The following MTHFD1L variants were observed in gnomAD, a reference collection of about 807,000 sequenced individuals.
MTHFD1L encodes monofunctional C1-tetrahydrofolate synthase, mitochondrial.
A neutral mutation model predicts 119.5 loss-of-function variants in MTHFD1L; 81 were observed. The observed-to-expected ratio is 0.68, with a 90% CI of 0.57 to 0.82. MTHFD1L has a LOEUF of 0.82. Among genes scored for constraint, MTHFD1L ranks in the 40% least tolerant of loss-of-function variants. The pLI is 0.00. For synonymous variants in MTHFD1L, 430 were observed against 475.2 expected, an observed-to-expected ratio of 0.90 and a Z score of 1.24; for missense variants, 1,125 against 1,253.4, an observed-to-expected ratio of 0.90 and a Z score of 1.55.
intron 27 of MTHFD1L, among the ~76,000 whole-genome samples, chr6:151,098,393 C>G (rs78003723): frequency 6.6e-6 from 1 of 152,030 alleles, no homozygotes; most frequent in African/African-American, 2.4e-5. Flanking sequence ...TTTCACAAAG[C>G]AATTCAAAAA....
intron 1 of MTHFD1L, among the ~76,000 whole-genome samples, chr6:150,868,074 A>G (rs185596639): frequency 1.5e-3 from 232 of 152,142 alleles, no homozygotes; most frequent in African/African-American, 5.3e-3. Flanking sequence ...TGTTGGGATT[A>G]CAGGCGTGAC....
At chr6:150,996,723 T>TC (rs1779852140) in intron 20 of MTHFD1L, among the ~76,000 whole-genome samples, 1 of 152,126 alleles carries the variant, frequency 6.6e-6, no homozygotes, top group Non-Finnish European at 1.5e-5. Context: ...AAAACATTTC[T>TC]CCAGCTGGGT....
At chr6:151,069,251 T>TTC (rs371324778) in intron 26 of MTHFD1L, among the ~76,000 whole-genome samples, 28,663 of 136,482 alleles carry the variant, frequency 0.21, 3,058 homozygotes, top group African/African-American at 0.28. Flanking sequence ...TTCTCTCTCT[T>TTC]TCTCTCTCTC....
chr6:150,947,562 G>T (rs905300284), intron 15 of MTHFD1L, among the ~76,000 whole-genome samples: 1 of 151,734 alleles, frequency 6.6e-6, no homozygotes, highest in Non-Finnish European at 1.5e-5. Context: ...CAAGACCCCC[G>T]TCTCTACAAA....
intron 26 of MTHFD1L, among the ~76,000 whole-genome samples, chr6:151,038,104 T>C (rs1786465695): frequency 6.6e-6 from 1 of 152,200 alleles, no homozygotes; most frequent in Non-Finnish European, 1.5e-5. Context: ...AATCAGCATT[T>C]TTTGAATTCT....
intron 19 of MTHFD1L, among the ~76,000 whole-genome samples, 168 bp downstream of exon 19, chr6:150,965,205 A>T (rs1797013272): frequency 6.6e-6 from 1 of 152,022 alleles, no homozygotes; most frequent in Non-Finnish European, 1.5e-5. Context: ...GTATTAGTCC[A>T]TTTTGACATT....
chr6:150,924,936 T>A (rs775425310), intron 10 of MTHFD1L, among the ~76,000 whole-genome samples: 1 of 146,252 alleles, frequency 6.8e-6, no homozygotes, highest in Non-Finnish European at 1.5e-5. Flanking sequence ...TCAGCGGTAC[T>A]TGAGGGGGGT....
At chr6:150,994,523 T>C (rs991662485) in intron 20 of MTHFD1L, among the ~76,000 whole-genome samples, 24 of 152,308 alleles carry the variant, frequency 1.6e-4, no homozygotes, top group Non-Finnish European at 2.5e-4. Flanking sequence ...TCGTCTCTAT[T>C]TTGACAGCAT....
At chr6:150,901,479 A>C (rs1176999251) in intron 7 of MTHFD1L, among the ~76,000 whole-genome samples, 1 of 152,228 alleles carries the variant, frequency 6.6e-6, no homozygotes. Context: ...CCCCGTCTCC[A>C]AAAATAAATA....
chr6:150,927,429 A>G lies in MTHFD1L; in HGVS notation c.1256+1134A>G, dbSNP rs1373933713. Among the ~76,000 whole-genome samples, 6 of 151,478 alleles carry G rather than the reference A, an allele frequency of 4.0e-5. 1 individual carries two copies. The East Asian group carries it at 1.2e-3, about 30-fold the overall frequency. On this transcript the variant is annotated intron_variant, in intron 11 of 27. Transcript: ENST00000367321. ...TGTCACCATTTTTCATGACAACATA[A>G]CATTCCATCACTCACATCCCAGATT... is the stretch of plus-strand genomic sequence containing the variant.
intron 24 of MTHFD1L, among the ~76,000 whole-genome samples, chr6:151,021,808 A>G (rs1173950983): frequency 6.6e-6 from 1 of 152,248 alleles, no homozygotes; most frequent in African/African-American, 2.4e-5. Flanking sequence ...GCCCTTAGTG[A>G]TATCATAAAA....
At chr6:150,978,473 G>C (rs551334394) in intron 20 of MTHFD1L, among the ~76,000 whole-genome samples, 2 of 152,308 alleles carry the variant, frequency 1.3e-5, no homozygotes, top group South Asian at 4.1e-4. Flanking sequence ...GGGTACATGA[G>C]CATAAACACT....
intron 26 of MTHFD1L, among the ~76,000 whole-genome samples, chr6:151,043,141 C>T (rs1787386306): frequency 6.6e-6 from 1 of 151,896 alleles, no homozygotes; most frequent in Non-Finnish European, 1.5e-5. Flanking sequence ...ACCCCACATT[C>T]CACTAAGCAA....
At position 150,994,832 on chromosome 6, in the gene MTHFD1L, G is replaced by A. The variant is rs190559321; in HGVS notation, c.2126-14987G>A. The stretch of plus-strand genomic sequence containing the variant: ...AGAACCGTCTTTAGAGCATGGCATC[G>A]TTACATTGCAGATAAAGCATGTAGG... On this transcript the variant is annotated intron_variant, in intron 20 of 27. Coordinates refer to ENST00000367321, the MANE Select transcript of MTHFD1L (RefSeq NM_015440.5). 3.2e-3 allele frequency among the ~76,000 whole-genome samples: 493 copies of A among 152,244 alleles called. 5 individuals carry two copies. The highest frequency in any genetic ancestry group is 0.011 in the African/African-American group (466 of 41,556).
chr6:151,022,009 T>C, intron 24 of MTHFD1L: 1 of 471,168 alleles, frequency 2.1e-6, no homozygotes, highest in South Asian at 1.5e-5. Flanking sequence ...TAAAAGGTCT[T>C]TCCTGTTCCT....
chr6:151,082,619 T>C (rs1793312242), intron 26 of MTHFD1L, among the ~76,000 whole-genome samples: 2 of 152,178 alleles, frequency 1.3e-5, no homozygotes, highest in African/African-American at 4.8e-5. Flanking sequence ...ATTTCTATCT[T>C]AAATAATTTA....
intron 13 of MTHFD1L, among the ~76,000 whole-genome samples, chr6:150,940,263 G>A (rs912209359): frequency 1.3e-5 from 2 of 152,178 alleles, no homozygotes; most frequent in African/African-American, 4.8e-5. Context: ...AGGAATAGAA[G>A]TGTTTACCCA....
Position 150,934,792 on chromosome 6 carries a change from G to C in MTHFD1L, c.1257-2012G>C, listed in dbSNP as rs142001481. ...TTAAATTTTTTAACGATGCTTGAGAGCTAAGCTGGAAGGACGTGGGGTGCT... is the reference window on the plus strand; with the variant it reads ...TTAAATTTTTTAACGATGCTTGAGACCTAAGCTGGAAGGACGTGGGGTGCT... On this transcript the variant is annotated intron_variant, in intron 11 of 27. Coordinates refer to ENST00000367321, the MANE Select transcript of MTHFD1L (RefSeq NM_015440.5). Among the ~76,000 whole-genome samples, 3 of 152,296 alleles carry C rather than the reference G, an allele frequency of 2.0e-5. No homozygotes were observed. The East Asian group carries it at 5.8e-4, about 29-fold the overall frequency.
chr6:150,980,754 GAAGAA>G (rs1777367789), intron 20 of MTHFD1L, among the ~76,000 whole-genome samples: 1 of 150,972 alleles, frequency 6.6e-6, no homozygotes. Context: ...AGAGAGAAGA[GAAGAA>G]ATCAGATATT....
Sources: gnomAD v4.1 joint callset for allele counts (sites outside exome capture counted in the v4.1 genomes callset) on GRCh38, gnomAD v4.1.1 for gene constraint, MANE v1.5 for transcripts, NCBI Gene and HGNC (gene_info 2026-07-23, HGNC 2026-07-21) for gene names.